CLSTN2: variants seen among roughly 807,000 people sequenced by gnomAD.
CLSTN2 encodes calsyntenin 2.
In CLSTN2, 48 loss-of-function variants were observed where a neutral mutation model predicts 101.2. The observed-to-expected ratio is 0.47, with a 90% CI of 0.38 to 0.60. CLSTN2 has a LOEUF of 0.60. Among genes scored for constraint, CLSTN2 ranks in the 20% least tolerant of loss-of-function variants. The pLI is 0.00. For missense variants in CLSTN2, 1,160 were observed against 1,238.2 expected, an observed-to-expected ratio of 0.94 and a Z score of 0.95; for synonymous variants, 481 against 463.6, an observed-to-expected ratio of 1.04 and a Z score of -0.48.
chr3:140,514,015 A>G (rs1378494543), intron 8 of CLSTN2, among the ~76,000 whole-genome samples: 1 of 151,822 alleles, frequency 6.6e-6, no homozygotes, highest in African/African-American at 2.4e-5. Flanking sequence ...ATAGCAGTCT[A>G]TTTTATTAAT....
chr3:140,068,175 C>G (rs938418487), intron 1 of CLSTN2, among the ~76,000 whole-genome samples: 2 of 152,382 alleles, frequency 1.3e-5, no homozygotes, highest in African/African-American at 4.8e-5. Context: ...GCATAGGCCA[C>G]TCTTTCTCTG....
chr3:140,346,582 C>G (rs1323420654), intron 2 of CLSTN2, among the ~76,000 whole-genome samples: 2 of 152,174 alleles, frequency 1.3e-5, no homozygotes, highest in African/African-American at 2.4e-5. Context: ...ATTAAGTAAG[C>G]AAGTTTAGGA....
At chr3:139,966,798 G>T (rs1392349011) in intron 1 of CLSTN2, among the ~76,000 whole-genome samples, 1 of 152,170 alleles carries the variant, frequency 6.6e-6, no homozygotes, top group Admixed American at 6.5e-5. Context: ...GCCTATGGCT[G>T]AATTATCTTT....
intron 1 of CLSTN2, among the ~76,000 whole-genome samples, chr3:140,076,611 C>T (rs1275330682): frequency 3.4e-5 from 5 of 146,282 alleles, no homozygotes; most frequent in Non-Finnish European, 7.4e-5. Flanking sequence ...AATGACTCCC[C>T]TCTCACCAGC....
At chr3:140,415,970 G>A (rs997033459) in intron 4 of CLSTN2, among the ~76,000 whole-genome samples, 4 of 152,120 alleles carry the variant, frequency 2.6e-5, no homozygotes, top group Admixed American at 1.3e-4. Context: ...GTTGACAGAT[G>A]AATGGATAAA....
At chr3:139,987,156 G>A (rs1054721665) in intron 1 of CLSTN2, among the ~76,000 whole-genome samples, 2 of 152,092 alleles carry the variant, frequency 1.3e-5, no homozygotes, top group East Asian at 3.9e-4. Context: ...TGAAAGTATA[G>A]CTGCTTTTTC....
At chr3:140,221,634 C>T (rs775161362) in intron 2 of CLSTN2, among the ~76,000 whole-genome samples, 3 of 152,014 alleles carry the variant, frequency 2.0e-5, no homozygotes, top group African/African-American at 4.8e-5. Flanking sequence ...ATGACTCTAT[C>T]GAAACAAATG....
At chr3:140,219,276 T>C (rs866370674) in intron 2 of CLSTN2, among the ~76,000 whole-genome samples, 22 of 152,098 alleles carry the variant, frequency 1.4e-4, no homozygotes, top group South Asian at 6.2e-4. Flanking sequence ...CCAAGGACTT[T>C]AAAGTTTCTC....
At chr3:140,103,752 C>T (rs1259116351) in intron 1 of CLSTN2, among the ~76,000 whole-genome samples, 1 of 152,206 alleles carries the variant, frequency 6.6e-6, no homozygotes, top group Non-Finnish European at 1.5e-5. Flanking sequence ...GGGAGAATCA[C>T]AGCCAATGCA....
intron 1 of CLSTN2, among the ~76,000 whole-genome samples, chr3:140,141,836 C>T (rs2009703546): frequency 6.6e-6 from 1 of 152,222 alleles, no homozygotes; most frequent in Non-Finnish European, 1.5e-5. Flanking sequence ...TATGCTCCAC[C>T]AAGCTCCCTG....
chr3:140,074,805 C>T (rs1210925993), intron 1 of CLSTN2, among the ~76,000 whole-genome samples: 1 of 152,178 alleles, frequency 6.6e-6, no homozygotes, highest in Non-Finnish European at 1.5e-5. Flanking sequence ...TGTGTTCCCT[C>T]AATCATTAAA....
intron 2 of CLSTN2, among the ~76,000 whole-genome samples, chr3:140,305,104 TACTC>T (rs2087100335): frequency 6.6e-6 from 1 of 151,592 alleles, no homozygotes; most frequent in Non-Finnish European, 1.5e-5. Context: ...TCTATGGTGA[TACTC>T]TCTCTCTTCC....
intron 5 of CLSTN2, among the ~76,000 whole-genome samples, chr3:140,443,529 A>G (rs1933006129): frequency 6.6e-6 from 1 of 152,262 alleles, no homozygotes; most frequent in African/African-American, 2.4e-5. Flanking sequence ...TTAAATCCCA[A>G]TAGCTTTTTC....
At chr3:140,315,837 G>A (rs574426761) in intron 2 of CLSTN2, among the ~76,000 whole-genome samples, 9 of 152,254 alleles carry the variant, frequency 5.9e-5, no homozygotes, top group South Asian at 2.1e-4. Flanking sequence ...AGGAGCTATC[G>A]GCTTAGCATG....
chr3:139,949,534 GT>G (rs1935260557), intron 1 of CLSTN2, among the ~76,000 whole-genome samples: 1 of 152,184 alleles, frequency 6.6e-6, no homozygotes, highest in Non-Finnish European at 1.5e-5. Flanking sequence ...CCCAGCTGGG[GT>G]TAGGGACCTT....
intron 10 of CLSTN2, among the ~76,000 whole-genome samples, chr3:140,553,647 T>C (rs951951076): frequency 6.6e-6 from 1 of 151,570 alleles, no homozygotes; most frequent in Non-Finnish European, 1.5e-5. Flanking sequence ...GGAGGTGGGG[T>C]GGGGTTTCTG....
chr3:140,566,274 G>T lies in CLSTN2; in HGVS notation c.*21G>T, dbSNP rs529066176. The T allele has an allele frequency of 1.3e-6, 2 of 1,549,852 alleles. No individual in the cohort carries two copies. The highest frequency in any genetic ancestry group is 3.9e-5 in the Admixed American group (2 of 51,084). On this transcript the variant is annotated 3_prime_UTR_variant, in exon 17 of 17. Transcript: ENST00000458420. ...ACTAGTGCCCAGGGGTCTGCTGCCT[G>T]GCCCACATGTCCCTTTTGTAAACCC...
At chr3:140,489,397 G>A (rs1459806903) in intron 8 of CLSTN2, among the ~76,000 whole-genome samples, 2 of 152,312 alleles carry the variant, frequency 1.3e-5, no homozygotes, top group Non-Finnish European at 1.5e-5. Flanking sequence ...GAGGGCTGCT[G>A]TGTGCTAGAG....
At chr3:140,178,292 G>A (rs2010355242) in intron 2 of CLSTN2, among the ~76,000 whole-genome samples, 2 of 152,098 alleles carry the variant, frequency 1.3e-5, no homozygotes, top group African/African-American at 4.8e-5. Context: ...CTTACAAAAG[G>A]TTATTTAAGT....
Sources: allele counts gnomAD v4.1 joint callset (sites outside exome capture counted in the v4.1 genomes callset), GRCh38; gene constraint gnomAD v4.1.1; transcripts MANE v1.5; gene names NCBI Gene and HGNC (gene_info 2026-07-23, HGNC 2026-07-21).